Variants in OXNAD1 observed in about 807,000 individuals in gnomAD.
OXNAD1 encodes the protein oxidoreductase NAD-binding domain-containing protein 1.
A neutral mutation model predicts 32.9 loss-of-function variants in OXNAD1; 34 were observed. That is an observed-to-expected ratio of 1.03 (90% confidence interval 0.79 to 1.38). OXNAD1 has a LOEUF of 1.38. Ranked by LOEUF, OXNAD1 falls within the 40% of genes most tolerant of loss-of-function variation. The probability of loss-of-function intolerance (pLI) is 0.00; values close to 1 mark genes in which losing one functional copy is unlikely to be tolerated. For missense variants in OXNAD1, 407 were observed against 379.4 expected, an observed-to-expected ratio of 1.07 and a Z score of -0.60; for synonymous variants, 134 against 135.2, an observed-to-expected ratio of 0.99 and a Z score of 0.06.
chr3:16,328,037 A>G (rs1028462303), intron 9 of OXNAD1, among the ~76,000 whole-genome samples: 6 of 152,202 alleles, frequency 3.9e-5, no homozygotes, highest in African/African-American at 1.2e-4. Flanking sequence ...GTATGCCCAC[A>G]TAGTTCATTT....
At position 16,316,911 on chromosome 3, in the gene OXNAD1, T is replaced by G; in HGVS notation, c.*30+13319T>G. ...TCCTCTCCAGGATTGGAGTGCCCAG[T>G]GCAAATCCCCACCAGGGCCCTGCTG... On this transcript the variant is annotated intron_variant, in intron 9 of 9. Coordinates refer to the OXNAD1 transcript ENST00000435829. This position sits in a 1 kb window ranked among gnomAD's most constrained non-coding sequence, Gnocchi z 4.5. 6.2e-7 allele frequency: 1 copy of G among 1,614,150 alleles called. No individual in the cohort carries two copies. The highest frequency in any genetic ancestry group is 8.5e-7 in the Non-Finnish European group (1 of 1,180,030).
Position 16,286,466 on chromosome 3 carries a change from G to T in OXNAD1, c.290+18G>T. On this transcript the variant is annotated intron_variant, in intron 5 of 8. Coordinates refer to ENST00000285083, the MANE Select transcript of OXNAD1 (RefSeq NM_138381.5). ...GGCCAGTGGTAAGTGACTTTTCTGT[G>T]TTCCATGTATGTATGTTCAAGAAGG... 1 of 1,597,962 alleles carries T rather than the reference G, an allele frequency of 6.3e-7. No individual in the cohort carries two copies. Among genetic ancestry groups the T allele is most frequent in the Non-Finnish European group, 8.6e-7 (1 of 1,165,596 alleles).
Position 16,317,518 on chromosome 3 carries a change from A to T in OXNAD1, c.*30+13926A>T, listed in dbSNP as rs1234037973. ...TTGACTGGCTCTATACCAAAGGCCC[A>T]CATAGGAAAGGGCTCCTAAAGTCCT... is the stretch of plus-strand genomic sequence containing the variant. On this transcript the variant is annotated intron_variant, in intron 9 of 9. Transcript: ENST00000435829. The surrounding 1 kb of genome is among the most constrained non-coding windows in gnomAD (Gnocchi z 4.3). 6.6e-6 allele frequency among the ~76,000 whole-genome samples: 1 copy of T among 152,178 alleles called. No homozygotes were observed. Among genetic ancestry groups the T allele is most frequent in the East Asian group, 1.9e-4 (1 of 5,186 alleles).
Position 16,288,678 on chromosome 3 carries a change from C to CAGAA in OXNAD1, c.290+2231_290+2234dup. ...CCAATCCCGAGAGAAAGGCCAAAGG[C>CAGAA]AGAACCACCTCAAAACATCTCTCAC... On this transcript the variant is annotated intron_variant, in intron 5 of 8. Transcript: ENST00000285083. The surrounding 1 kb of genome is among the most constrained non-coding windows in gnomAD (Gnocchi z 5.1). Among the ~76,000 whole-genome samples the CAGAA allele has an allele frequency of 6.6e-6, 1 of 152,328 alleles. No homozygotes were observed. The highest frequency in any genetic ancestry group is 2.1e-4 in the South Asian group (1 of 4,822).
downstream of OXNAD1, among the ~76,000 whole-genome samples, chr3:16,340,362 G>GA (rs1197026273): frequency 6.6e-6 from 1 of 152,214 alleles, no homozygotes; most frequent in Non-Finnish European, 1.5e-5. Context: ...TTAGCTTACT[G>GA]AATGTTAAGA....
In OXNAD1 at chr3:16,287,999, G is replaced by A. The variant is rs1049408001; in HGVS notation, c.290+1551G>A. ...TAGTGTGTGACGCTTTCCCTCCCAG[G>A]TGTTGATCAGCATTCATTCCAGGCC... On this transcript the variant is annotated intron_variant, in intron 5 of 8. Transcript: ENST00000285083. The surrounding 1 kb of genome is among the most constrained non-coding windows in gnomAD (Gnocchi z 4.8). 1.3e-5 allele frequency among the ~76,000 whole-genome samples: 2 copies of A among 152,180 alleles called. No individual in the cohort carries two copies. Among genetic ancestry groups the A allele is most frequent in the African/African-American group, 4.8e-5 (2 of 41,450 alleles).
rs2065943663 is a variant in OXNAD1 at position 16,284,411 on chromosome 3, G to T, written c.184-1931G>T. Among the ~76,000 whole-genome samples the T allele has an allele frequency of 6.6e-6, 1 of 152,180 alleles. No individual in the cohort carries two copies. Among genetic ancestry groups the T allele is most frequent in the Admixed American group, 6.5e-5 (1 of 15,282 alleles). On this transcript the variant is annotated intron_variant, in intron 4 of 8. Transcript: ENST00000285083. This position sits in a 1 kb window ranked among gnomAD's most constrained non-coding sequence, Gnocchi z 4.1. The stretch of plus-strand genomic sequence containing the variant: ...AGTGTACTTAAACAAACCTGGAGGG[G>T]ATAGCCTACTACACACTTAGGCTAA...
downstream of OXNAD1, among the ~76,000 whole-genome samples, chr3:16,340,381 GCT>G (rs2071240417): frequency 6.6e-6 from 1 of 152,220 alleles, no homozygotes; most frequent in Admixed American, 6.5e-5. Context: ...GATACACAAG[GCT>G]CTGTTCTAGC....
intron 5 of OXNAD1, 86 bp from the exon 6 acceptor site, chr3:16,294,770 G>C: frequency 2.2e-5 from 28 of 1,295,228 alleles, no homozygotes; most frequent in Non-Finnish European, 3.0e-5. Context: ...TTTTTTCATA[G>C]TCTTGCAAAG....
chr3:16,269,110 G>A lies in OXNAD1; in HGVS notation c.-158-16G>A. 6.8e-7 allele frequency: 1 copy of A among 1,462,218 alleles called. No homozygotes were observed. The highest frequency in any genetic ancestry group is 9.0e-7 in the Non-Finnish European group (1 of 1,114,932). The allele number at this position is 1,462,218 out of a possible 1,614,324, so 90.6% of individuals were successfully genotyped here. ...GTTCCCCAAAACATTGTTATATGTT[G>A]TTTGTGCCATTGCAGGAACTTTGTG... On this transcript the variant is annotated splice_polypyrimidine_tract_variant and intron_variant, in intron 1 of 8. Transcript: ENST00000285083.
At position 16,305,441 on chromosome 3, in the gene OXNAD1, T is replaced by TGAG. The variant is rs2067484655; in HGVS notation, c.*1880_*1882dup. ...GCTGACTCAGTATTGGCAGAATTGC[T>TGAG]GAGATGGGCCAGGTCATCACCTTTG... On this transcript the variant is annotated 3_prime_UTR_variant, in exon 9 of 9. Transcript: ENST00000285083. The surrounding 1 kb of genome is among the most constrained non-coding windows in gnomAD (Gnocchi z 4.5). 6.6e-6 allele frequency: 1 copy of TGAG among 152,316 alleles called. No individual in the cohort carries two copies. The highest frequency in any genetic ancestry group is 2.4e-5 in the African/African-American group (1 of 41,458). 9.4% of individuals were successfully genotyped at this position (152,316 alleles called of 1,614,324 possible). A position where few individuals can be genotyped will look rare whatever the true frequency, so the allele number is the denominator to read the frequency against.
At chr3:16,339,763 C>T (rs1355737358), downstream of OXNAD1, 2 of 152,208 alleles carry the variant, frequency 1.3e-5, no homozygotes, top group Non-Finnish European at 2.9e-5. Context: ...AACACAAACT[C>T]CACAAAGGCA....
At position 16,299,928 on chromosome 3, in the gene OXNAD1, C is replaced by T. The variant is rs1032226596; in HGVS notation, c.433-1698C>T. Among the ~76,000 whole-genome samples, 3 of 152,218 alleles carry T rather than the reference C, an allele frequency of 2.0e-5. No homozygotes were observed. The highest frequency in any genetic ancestry group is 4.4e-5 in the Non-Finnish European group (3 of 68,046). On this transcript the variant is annotated intron_variant, in intron 6 of 8. Transcript: ENST00000285083. The surrounding 1 kb of genome is among the most constrained non-coding windows in gnomAD (Gnocchi z 4.4). The stretch of plus-strand genomic sequence containing the variant: ...TCCTTCTTATGTAGAGCCAGATACT[C>T]GGGAGTTCCACCCACTGTGAGTCAG...
Position 16,280,419 on chromosome 3 carries a change from C to T in OXNAD1, c.184-5923C>T, listed in dbSNP as rs2065658390. Among the ~76,000 whole-genome samples, 1 of 151,954 alleles carries T rather than the reference C, an allele frequency of 6.6e-6. No individual in the cohort carries two copies. The highest frequency in any genetic ancestry group is 2.1e-4 in the South Asian group (1 of 4,824). On this transcript the variant is annotated intron_variant, in intron 4 of 8. Transcript: ENST00000285083. The surrounding 1 kb of genome is among the most constrained non-coding windows in gnomAD (Gnocchi z 4.5). ...GTGTGGTTGACGGAGAATTTTGTGT[C>T]TACCTTTGTTAGTAAATCACTTGAG...
chr3:16,284,690 C>T lies in OXNAD1; in HGVS notation c.184-1652C>T, dbSNP rs1237497537. ...TTGTAAGTACTTTTGTCAGTATTAT[C>T]TCATTTAATCCTCCCAGCAACCCTA... is the stretch of plus-strand genomic sequence containing the variant. On this transcript the variant is annotated intron_variant, in intron 4 of 8. Transcript: ENST00000285083. The surrounding 1 kb of genome is among the most constrained non-coding windows in gnomAD (Gnocchi z 4.1). Among the ~76,000 whole-genome samples, 1 of 152,160 alleles carries T rather than the reference C, an allele frequency of 6.6e-6. No individual in the cohort carries two copies. The highest frequency in any genetic ancestry group is 2.4e-5 in the African/African-American group (1 of 41,430).
intron 5 of OXNAD1, among the ~76,000 whole-genome samples, chr3:16,286,905 A>C (rs1485393370): frequency 6.6e-6 from 1 of 152,214 alleles, no homozygotes; most frequent in Non-Finnish European, 1.5e-5. Flanking sequence ...TAGTGATGTC[A>C]TCACAGGGCT....
In OXNAD1 at chr3:16,294,962, A is replaced by G. The variant is rs757324207; in HGVS notation, c.397A>G (p.Thr133Ala). The G allele has an allele frequency of 8.1e-6, 13 of 1,613,372 alleles. No individual in the cohort carries two copies. In the African/African-American group the frequency reaches 1.7e-4, roughly 22 times the overall value. ...AGTGATAGAATTGGCAGTGAAATAT[A>G]CGAACCACCCTCCTGCCCTCTGGGT... Reference protein sequence around the residue: ...ERVIELAVKYTNHPPALWVHN... With the variant: ...ERVIELAVKYANHPPALWVHN... The change falls in exon 6 of 9, where the codon ACG (threonine) becomes GCG (alanine). Residue 133 changes from threonine to alanine, a missense_variant. Coordinates refer to ENST00000285083, the MANE Select transcript of OXNAD1 (RefSeq NM_138381.5).
At position 16,287,083 on chromosome 3, in the gene OXNAD1, C is replaced by T. The variant is rs2066124628; in HGVS notation, c.290+635C>T. Among the ~76,000 whole-genome samples, 1 of 152,176 alleles carries T rather than the reference C, an allele frequency of 6.6e-6. No individual in the cohort carries two copies. Among genetic ancestry groups the T allele is most frequent in the African/African-American group, 2.4e-5 (1 of 41,428 alleles). ...GACTCGGGACTGATCAGCATGCTGA[C>T]TGGGTAACATTTCCTCCGAATGGGG... On this transcript the variant is annotated intron_variant, in intron 5 of 8. Coordinates refer to ENST00000285083, the MANE Select transcript of OXNAD1 (RefSeq NM_138381.5). The surrounding 1 kb of genome is among the most constrained non-coding windows in gnomAD (Gnocchi z 4.8).
rs1300164503 is a variant in OXNAD1 at position 16,348,772 on chromosome 3, A to AT, written c.*31-398dup. Among the ~76,000 whole-genome samples, 1 of 151,952 alleles carries AT rather than the reference A, an allele frequency of 6.6e-6. No individual in the cohort carries two copies. The highest frequency in any genetic ancestry group is 6.6e-5 in the Admixed American group (1 of 15,264). On this transcript the variant is annotated intron_variant, in intron 9 of 9. Coordinates refer to the OXNAD1 transcript ENST00000606098. The surrounding 1 kb of genome is among the most constrained non-coding windows in gnomAD (Gnocchi z 6.3). Reference sequence around the variant, plus strand: ...TCACCATCTCAAGTGGTTCTTTCTCATTTTTTATGTACTCTTTCATGGATT... The same window carrying AT: ...TCACCATCTCAAGTGGTTCTTTCTCATTTTTTTATGTACTCTTTCATGGATT...
Sources: allele counts gnomAD v4.1 joint callset (sites outside exome capture counted in the v4.1 genomes callset), GRCh38; gene constraint gnomAD v4.1.1; non-coding constraint Gnocchi (gnomAD v3.1); transcripts MANE v1.5; gene names NCBI Gene and HGNC (gene_info 2026-07-23, HGNC 2026-07-21).